Variants in GSK3B observed in about 807,000 individuals in gnomAD.
GSK3B encodes glycogen synthase kinase 3 beta.
Under a neutral mutation model 56.4 loss-of-function variants are expected in GSK3B, and 15 were observed. That is an observed-to-expected ratio of 0.27 (90% CI 0.18 to 0.41). The LOEUF is 0.41. Among genes scored for constraint, GSK3B ranks in the 10% least tolerant of loss-of-function variants. The pLI, the probability that GSK3B is intolerant of heterozygous loss-of-function variation, is 1.00. For synonymous variants in GSK3B, 181 were observed against 188.9 expected (o/e 0.96, Z 0.34); for missense variants, 300 against 513.4 (o/e 0.58, Z 4.02).
intron 2 of GSK3B, among the ~76,000 whole-genome samples, chr3:119,970,073 G>A (rs1417952031): frequency 1.3e-5 from 2 of 152,168 alleles, no homozygotes; most frequent in Non-Finnish European, 2.9e-5. Context: ...TGGTGCCAAA[G>A]CACAAGAGTA....
chr3:120,029,730 C>T (rs2057959266), intron 1 of GSK3B: 2 of 547,890 alleles, frequency 3.7e-6, no homozygotes, highest in Non-Finnish European at 7.4e-6. Flanking sequence ...TCATGCAGTG[C>T]ATCCTGGGGG....
intron 1 of GSK3B, among the ~76,000 whole-genome samples, chr3:120,015,033 T>C (rs752658883): frequency 6.6e-6 from 1 of 152,142 alleles, no homozygotes; most frequent in Non-Finnish European, 1.5e-5. Context: ...GAAAAGAATA[T>C]GGGCTTTGAA....
chr3:120,054,386 T>TA (rs1318829154), intron 1 of GSK3B, among the ~76,000 whole-genome samples: 2 of 152,308 alleles, frequency 1.3e-5, no homozygotes, highest in Admixed American at 1.3e-4. Flanking sequence ...CTCCAGCTTC[T>TA]ACACCCAACT....
chr3:120,002,676 T>C (rs996960932), intron 1 of GSK3B, among the ~76,000 whole-genome samples: 1 of 152,222 alleles, frequency 6.6e-6, no homozygotes, highest in African/African-American at 2.4e-5. Context: ...TATTTTTAGT[T>C]TATTACATGT....
At chr3:119,838,569 T>C (rs1436261492) in intron 10 of GSK3B, among the ~76,000 whole-genome samples, 1 of 152,148 alleles carries the variant, frequency 6.6e-6, no homozygotes, top group African/African-American at 2.4e-5. Context: ...ATTTTAAAAT[T>C]TTCTCTACAT....
At chr3:119,847,087 T>C (rs2055865571) in intron 9 of GSK3B, among the ~76,000 whole-genome samples, 3 of 151,150 alleles carry the variant, frequency 2.0e-5, no homozygotes, top group African/African-American at 7.3e-5. Context: ...AGTTGAACAA[T>C]GAGAACATAT....
chr3:119,866,986 A>G (rs1330786384), intron 8 of GSK3B, among the ~76,000 whole-genome samples: 1 of 152,198 alleles, frequency 6.6e-6, no homozygotes, highest in Admixed American at 6.5e-5. Context: ...TAAAGTTCCC[A>G]AAGTAAAATG....
chr3:119,853,202 T>C (rs2055963601), intron 9 of GSK3B, among the ~76,000 whole-genome samples: 1 of 152,232 alleles, frequency 6.6e-6, no homozygotes, highest in African/African-American at 2.4e-5. Flanking sequence ...ATTTCTTGTT[T>C]TTGTCAGGTT....
intron 3 of GSK3B, among the ~76,000 whole-genome samples, chr3:119,937,905 A>G (rs2057011818): frequency 6.6e-6 from 1 of 151,598 alleles, no homozygotes; most frequent in South Asian, 2.1e-4. Context: ...AAATAAAAAG[A>G]AAAAGAATTA....
chr3:119,907,131 T>C (rs575333667), intron 6 of GSK3B, among the ~76,000 whole-genome samples: 3 of 152,208 alleles, frequency 2.0e-5, no homozygotes, highest in African/African-American at 4.8e-5. Flanking sequence ...AAAAGATGTA[T>C]CTCCTTATTT....
chr3:119,964,982 G>T (rs1383082652), intron 2 of GSK3B, among the ~76,000 whole-genome samples: 4 of 149,694 alleles, frequency 2.7e-5, no homozygotes, highest in African/African-American at 9.8e-5. Context: ...TTTTAACACA[G>T]CAAACAAATC....
At chr3:120,066,139 CACAG>C (rs1221741435) in intron 1 of GSK3B, among the ~76,000 whole-genome samples, 1 of 152,058 alleles carries the variant, frequency 6.6e-6, no homozygotes, top group Non-Finnish European at 1.5e-5. Context: ...TAAAAAATCA[CACAG>C]ACATACAACC....
At chr3:119,907,405 T>G (rs1377089213) in intron 6 of GSK3B, among the ~76,000 whole-genome samples, 3 of 152,106 alleles carry the variant, frequency 2.0e-5, no homozygotes, top group Non-Finnish European at 2.9e-5. Flanking sequence ...CACAGAAGAC[T>G]GACACTCAAA....
intron 2 of GSK3B, among the ~76,000 whole-genome samples, chr3:119,985,258 T>C (rs1304136405): frequency 1.3e-5 from 2 of 152,144 alleles, no homozygotes; most frequent in Non-Finnish European, 2.9e-5. Context: ...CTGGAAGCAT[T>C]CCCTTTGAAA....
chr3:119,903,663 A>G (rs565847945), intron 7 of GSK3B, among the ~76,000 whole-genome samples: 26 of 152,350 alleles, frequency 1.7e-4, no homozygotes, highest in Admixed American at 4.6e-4. Flanking sequence ...ATAGGGAATT[A>G]TCACAGATGC....
At chr3:119,902,700 ATATT>A (rs1323786506) in intron 7 of GSK3B, among the ~76,000 whole-genome samples, 27 of 151,062 alleles carry the variant, frequency 1.8e-4, no homozygotes, top group Admixed American at 1.4e-3. Context: ...CTTGGCTGTG[ATATT>A]TATTATTTAT....
rs202140622 is a variant in GSK3B, at chr3:119,929,901, C to CA, written c.367-6419dup. 6.7e-3 allele frequency among the ~76,000 whole-genome samples: 940 copies of CA among 139,624 alleles called. 3 individuals are homozygous for CA. The highest frequency in any genetic ancestry group is 0.041 in the Middle Eastern group (11 of 270). The allele number at this position is 139,624 out of a possible 152,430, so 91.6% of individuals were successfully genotyped here. ...GGGCAACAAGAGCGAAACTCTGCCTCAAAAAAAAAAAAAAAAAATAATAAT... is the reference window on the plus strand; with the variant it reads ...GGGCAACAAGAGCGAAACTCTGCCTCAAAAAAAAAAAAAAAAAAATAATAAT... On this transcript the variant is annotated intron_variant, in intron 3 of 10. Coordinates refer to ENST00000264235, the MANE Select transcript of GSK3B (RefSeq NM_001146156.2).
chr3:119,965,398 C>G (rs1303255081), intron 2 of GSK3B, among the ~76,000 whole-genome samples: 1 of 149,650 alleles, frequency 6.7e-6, no homozygotes, highest in Non-Finnish European at 1.5e-5. Flanking sequence ...GACAAGGTCT[C>G]TATAAAAGAG....
At chr3:119,844,366 T>A (rs1323618866) in intron 9 of GSK3B, among the ~76,000 whole-genome samples, 3 of 147,420 alleles carry the variant, frequency 2.0e-5, no homozygotes, top group East Asian at 2.0e-4. Context: ...AAAAAACTCT[T>A]AAAAAAAAAA....
Sources: allele counts gnomAD v4.1 joint callset (sites outside exome capture counted in the v4.1 genomes callset), GRCh38; gene constraint gnomAD v4.1.1; transcripts MANE v1.5; gene names NCBI Gene and HGNC (gene_info 2026-07-23, HGNC 2026-07-21).